The following PLEKHG3 variants were observed in gnomAD, a reference collection of about 807,000 sequenced individuals.
PLEKHG3 encodes pleckstrin homology domain-containing family G member 3.
Under a neutral mutation model 94.9 loss-of-function variants are expected in PLEKHG3, and 62 were observed. That is an observed-to-expected ratio of 0.65 (90% CI 0.53 to 0.81). PLEKHG3 has a LOEUF of 0.81. Ranked by LOEUF, PLEKHG3 falls within the 30% of genes least tolerant of loss-of-function variation. The probability of loss-of-function intolerance (pLI) is 0.00; values close to 1 mark genes in which losing one functional copy is unlikely to be tolerated. For synonymous variants in PLEKHG3, 614 were observed against 654.0 expected (o/e 0.94, Z 0.93); for missense variants, 1,461 against 1,619.3 (o/e 0.90, Z 1.68).
chr14:64,714,169 A>G (rs1161469798), intron 1 of PLEKHG3, among the ~76,000 whole-genome samples: 1 of 152,130 alleles, frequency 6.6e-6, no homozygotes, highest in Non-Finnish European at 1.5e-5. Context: ...AAATTTCTGT[A>G]TCAGGTTCCT....
intron 14 of PLEKHG3, chr14:64,737,783 TC>T (rs562681034): frequency 3.6e-4 from 253 of 711,842 alleles, no homozygotes; most frequent in Middle Eastern, 7.0e-4. Flanking sequence ...GTGTGAAGGC[TC>T]CCCCCCCGCA....
chr14:64,749,591 C>G lies in PLEKHG3; in HGVS notation c.*5888C>G. The G allele has an allele frequency of 1.2e-6, 2 of 1,608,714 alleles. No individual in the cohort carries two copies. The highest frequency in any genetic ancestry group is 1.7e-6 in the Non-Finnish European group (2 of 1,178,612). ...CTTCTGAGGGGGCCTCCAGGGCAAG[C>G]GGCCTGGGGTCCTCCACCTACCCCC... On this transcript the variant is annotated 3_prime_UTR_variant, in exon 17 of 17. Transcript: ENST00000247226. This position sits in a 1 kb window ranked among gnomAD's most constrained non-coding sequence, Gnocchi z 4.7.
chr14:64,717,064 G>A lies in PLEKHG3; in HGVS notation c.-39-10529G>A, dbSNP rs1242490101. Reference sequence around the variant, plus strand: ...CTGGGCCCTGTAGGATAGGGGAAGTGTGTGTGGCCCTGCTGGCTGAAGGGC... The same window carrying A: ...CTGGGCCCTGTAGGATAGGGGAAGTATGTGTGGCCCTGCTGGCTGAAGGGC... On this transcript the variant is annotated intron_variant, in intron 1 of 16. Coordinates refer to ENST00000247226, the MANE Select transcript of PLEKHG3 (RefSeq NM_001308147.2). The surrounding 1 kb of genome is among the most constrained non-coding windows in gnomAD (Gnocchi z 4.7). Among the ~76,000 whole-genome samples the A allele has an allele frequency of 1.3e-5, 2 of 152,162 alleles. No individual in the cohort carries two copies. The highest frequency in any genetic ancestry group is 3.9e-4 in the East Asian group (2 of 5,194).
rs1188287393 is a variant in PLEKHG3, at chr14:64,718,655, A to G, written c.-39-8938A>G. Among the ~76,000 whole-genome samples, 2 of 152,148 alleles carry G rather than the reference A, an allele frequency of 1.3e-5. No homozygotes were observed. Among genetic ancestry groups the G allele is most frequent in the African/African-American group, 4.8e-5 (2 of 41,428 alleles). ...TACAGTGGCTAGGCAGAGCCAGGGT[A>G]GTTTGGAGGAGTGCTGGCTGTAGTC... is the stretch of plus-strand genomic sequence containing the variant. On this transcript the variant is annotated intron_variant, in intron 1 of 16. Transcript: ENST00000247226. This position sits in a 1 kb window ranked among gnomAD's most constrained non-coding sequence, Gnocchi z 5.0.
intron 12 of PLEKHG3, among the ~76,000 whole-genome samples, chr14:64,736,634 G>A (rs535164360): frequency 5.5e-4 from 84 of 152,294 alleles, no homozygotes; most frequent in Admixed American, 5.9e-4. Flanking sequence ...TAGTCACAGC[G>A]GGGGTCCTGG....
chr14:64,743,261 G>T lies in PLEKHG3; in HGVS notation c.3218G>T (p.Gly1073Val), dbSNP rs1422051852. Residue 1073 changes from glycine (G) to valine (V), a missense_variant, in exon 17 of 17, where the codon GGC (glycine) becomes GTC (valine). Gly to Val is a moderately radical substitution (Grantham distance 109). This residue lies in a region of PLEKHG3 where 1,201 missense variants were observed against 1,295.5 expected (regional missense o/e 0.93). Coordinates refer to ENST00000247226, the MANE Select transcript of PLEKHG3 (RefSeq NM_001308147.2). The surrounding 1 kb of genome is among the most constrained non-coding windows in gnomAD (Gnocchi z 7.2). ...CGAGCAGGGGGCGGCCGGCCCCGCG[G>T]CCCACCCGTCAACAGGAGCCACTCG... ...ARRAGGGRPR[G>V]PPVNRSHSVP... 6.2e-7 allele frequency: 1 copy of T among 1,606,398 alleles called. No individual in the cohort carries two copies. Among genetic ancestry groups the T allele is most frequent in the Non-Finnish European group, 8.5e-7 (1 of 1,178,632 alleles).
chr14:64,730,601 T>C lies in PLEKHG3; in HGVS notation c.520-41T>C, dbSNP rs757123933. On this transcript the variant is annotated intron_variant, in intron 4 of 16. Coordinates refer to ENST00000247226, the MANE Select transcript of PLEKHG3 (RefSeq NM_001308147.2). The surrounding 1 kb of genome is among the most constrained non-coding windows in gnomAD (Gnocchi z 5.4). ...TGCTACCACCATCTTTACTGTCAAA[T>C]GAGAATCTCCCTGAAATCACTATTT... 1.3e-6 allele frequency: 2 copies of C among 1,546,478 alleles called. No individual in the cohort carries two copies. Among genetic ancestry groups the C allele is most frequent in the African/African-American group, 1.4e-5 (1 of 73,604 alleles).
In PLEKHG3 at chr14:64,749,711, G is replaced by A; in HGVS notation, c.*6008G>A. 3 of 1,613,436 alleles carry A rather than the reference G, an allele frequency of 1.9e-6. No individual in the cohort carries two copies. Among genetic ancestry groups the A allele is most frequent in the Non-Finnish European group, 2.5e-6 (3 of 1,179,792 alleles). On this transcript the variant is annotated 3_prime_UTR_variant, in exon 17 of 17. Coordinates refer to ENST00000247226, the MANE Select transcript of PLEKHG3 (RefSeq NM_001308147.2). The surrounding 1 kb of genome is among the most constrained non-coding windows in gnomAD (Gnocchi z 4.7). ...CATTACTCAGCCTAGGAGGACAAAG[G>A]GTTTCCTGTCATGGAGACACCTCTG... is the stretch of plus-strand genomic sequence containing the variant.
chr14:64,737,961 G>A (rs374783230), intron 14 of PLEKHG3: 9 of 1,236,278 alleles, frequency 7.3e-6, no homozygotes, highest in African/African-American at 4.8e-5. Context: ...GGAGGAAGAG[G>A]AAGAGGAGGA....
Position 64,732,606 on chromosome 14 carries a change from A to G in PLEKHG3, c.1246+146A>G, listed in dbSNP as rs2139385419. ...TGTTAAGGGCTGGGGGGTGAACTAC[A>G]TGATTAAGGATGCTCTCCTGCTGAG... On this transcript the variant is annotated intron_variant, in intron 11 of 16. Coordinates refer to ENST00000247226, the MANE Select transcript of PLEKHG3 (RefSeq NM_001308147.2). This position sits in a 1 kb window ranked among gnomAD's most constrained non-coding sequence, Gnocchi z 4.9. The G allele has an allele frequency of 1.2e-6, 1 of 800,286 alleles. No homozygotes were observed. Among genetic ancestry groups the G allele is most frequent in the East Asian group, 2.5e-5 (1 of 40,782 alleles). 49.6% of individuals were successfully genotyped at this position (800,286 alleles called of 1,614,324 possible).
chr14:64,737,058 C>CT (rs764735514), intron 13 of PLEKHG3, 167 bp downstream of exon 13: 19 of 695,958 alleles, frequency 2.7e-5, no homozygotes, highest in Non-Finnish European at 4.5e-5. Context: ...CCCTGGCTGG[C>CT]TGAGGAGAGG....
intron 12 of PLEKHG3, among the ~76,000 whole-genome samples, chr14:64,734,132 C>G (rs2081526375): frequency 1.3e-5 from 2 of 152,134 alleles, no homozygotes; most frequent in South Asian, 2.1e-4. Flanking sequence ...TTATAGAAGG[C>G]TTTTGTGGTT....
At position 64,720,930 on chromosome 14, in the gene PLEKHG3, T is replaced by C. The variant is rs2081252527; in HGVS notation, c.-39-6663T>C. Among the ~76,000 whole-genome samples, 2 of 152,184 alleles carry C rather than the reference T, an allele frequency of 1.3e-5. No homozygotes were observed. The highest frequency in any genetic ancestry group is 4.8e-5 in the African/African-American group (2 of 41,442). ...GTTCCCTTCTCTCTGTCCCTCTGCT[T>C]TTATTGTCAAACTTCTGTCTGACTC... is the stretch of plus-strand genomic sequence containing the variant. On this transcript the variant is annotated intron_variant, in intron 1 of 16. Coordinates refer to ENST00000247226, the MANE Select transcript of PLEKHG3 (RefSeq NM_001308147.2). The surrounding 1 kb of genome is among the most constrained non-coding windows in gnomAD (Gnocchi z 4.1).
In PLEKHG3 at chr14:64,726,560, G is replaced by C. The variant is rs1566701357; in HGVS notation, c.-39-1033G>C. Among the ~76,000 whole-genome samples, 1 of 152,184 alleles carries C rather than the reference G, an allele frequency of 6.6e-6. No individual in the cohort carries two copies. The highest frequency in any genetic ancestry group is 2.4e-5 in the African/African-American group (1 of 41,428). Reference sequence around the variant, plus strand: ...GGCCACTCCACCCTTCCATCCCCCGGCTGCTCCAGGTGGGCCTGCCTGTGA... The same window carrying C: ...GGCCACTCCACCCTTCCATCCCCCGCCTGCTCCAGGTGGGCCTGCCTGTGA... On this transcript the variant is annotated intron_variant, in intron 1 of 16. Coordinates refer to ENST00000247226, the MANE Select transcript of PLEKHG3 (RefSeq NM_001308147.2). The surrounding 1 kb of genome is among the most constrained non-coding windows in gnomAD (Gnocchi z 5.1).
rs1400994971 is a variant in PLEKHG3 at position 64,725,292 on chromosome 14, T to C, written c.-39-2301T>C. ...GGGAGTGGGGCCGTTTCCATTTAGC[T>C]TCCCCAGAGAAGCTGACTGACCCCA... On this transcript the variant is annotated intron_variant, in intron 1 of 16. Coordinates refer to ENST00000247226, the MANE Select transcript of PLEKHG3 (RefSeq NM_001308147.2). The surrounding 1 kb of genome is among the most constrained non-coding windows in gnomAD (Gnocchi z 5.0). 6.6e-6 allele frequency among the ~76,000 whole-genome samples: 1 copy of C among 150,534 alleles called. No homozygotes were observed. Among genetic ancestry groups the C allele is most frequent in the East Asian group, 2.0e-4 (1 of 5,002 alleles).
At position 64,738,452 on chromosome 14, in the gene PLEKHG3, G is replaced by C. The variant is rs558133555; in HGVS notation, c.1405-290G>C. 7.9e-5 allele frequency among the ~76,000 whole-genome samples: 12 copies of C among 152,340 alleles called. No homozygotes were observed. Among genetic ancestry groups the C allele is most frequent in the African/African-American group, 2.9e-4 (12 of 41,580 alleles). On this transcript the variant is annotated intron_variant, in intron 14 of 16. Coordinates refer to ENST00000247226, the MANE Select transcript of PLEKHG3 (RefSeq NM_001308147.2). The surrounding 1 kb of genome is among the most constrained non-coding windows in gnomAD (Gnocchi z 4.8). Reference sequence around the variant, plus strand: ...ACGCCCAACAAGCATGACAAGTGGGGTGGGGTGGTGGGGGCAGGGAGAAGC... The same window carrying C: ...ACGCCCAACAAGCATGACAAGTGGGCTGGGGTGGTGGGGGCAGGGAGAAGC...
intron 1 of PLEKHG3, among the ~76,000 whole-genome samples, chr14:64,714,035 A>G (rs1045335527): frequency 3.9e-5 from 6 of 152,040 alleles, no homozygotes; most frequent in African/African-American, 1.2e-4. Context: ...TATATTTCCA[A>G]TCATTTAAAC....
chr14:64,709,087 G>T (rs147646691), intron 1 of PLEKHG3, among the ~76,000 whole-genome samples: 13 of 152,348 alleles, frequency 8.5e-5, no homozygotes, highest in South Asian at 4.1e-4. Context: ...TCTGTCAGCT[G>T]CCTGGGGATA....
rs543870211 is a variant in PLEKHG3 at position 64,718,708 on chromosome 14, G to A, written c.-39-8885G>A. ...TGGGCTCTTTCATACACATTCTTCT[G>A]CTTTTCCTTTTTTTGATATTCCTCG... On this transcript the variant is annotated intron_variant, in intron 1 of 16. Coordinates refer to ENST00000247226, the MANE Select transcript of PLEKHG3 (RefSeq NM_001308147.2). This position sits in a 1 kb window ranked among gnomAD's most constrained non-coding sequence, Gnocchi z 5.0. Among the ~76,000 whole-genome samples the A allele has an allele frequency of 2.0e-5, 3 of 152,260 alleles. No homozygotes were observed. Among genetic ancestry groups the A allele is most frequent in the East Asian group, 3.9e-4 (2 of 5,186 alleles).
Sources: allele counts gnomAD v4.1 joint callset (sites outside exome capture counted in the v4.1 genomes callset), GRCh38; gene constraint gnomAD v4.1.1; regional missense constraint gnomAD v4.1.1; non-coding constraint Gnocchi (gnomAD v3.1); transcripts MANE v1.5; gene names NCBI Gene and HGNC (gene_info 2026-07-23, HGNC 2026-07-21).